The following BAIAP2 variants were observed in gnomAD, a reference collection of about 807,000 sequenced individuals.
BAIAP2 encodes the protein BAR/IMD domain containing adaptor protein 2.
A neutral mutation model predicts 63.0 loss-of-function variants in BAIAP2; 18 were observed. The ratio of observed to expected loss-of-function variants is 0.29; its 90% CI spans 0.20 to 0.42. The LOEUF (loss-of-function observed/expected upper bound fraction) is 0.42, where lower values mean the gene tolerates loss of function less well. BAIAP2 is among the 10% of genes least tolerant of loss of function. BAIAP2 has a pLI of 1.00. For missense variants in BAIAP2, 610 were observed against 734.3 expected, an observed-to-expected ratio of 0.83 and a Z score of 1.96; for synonymous variants, 386 against 307.6, an observed-to-expected ratio of 1.25 and a Z score of -2.67.
At chr17:81,039,719 T>C (rs2046825171) in intron 1 of BAIAP2, among the ~76,000 whole-genome samples, 1 of 152,028 alleles carries the variant, frequency 6.6e-6, no homozygotes. Context: ...TGCTGCCTTG[T>C]CTTCGACTGA....
At chr17:81,045,940 A>T (rs2047738724) in intron 1 of BAIAP2, among the ~76,000 whole-genome samples, 1 of 152,104 alleles carries the variant, frequency 6.6e-6, no homozygotes, top group Non-Finnish European at 1.5e-5. Flanking sequence ...CTGCCTCCAG[A>T]GAGGTGCCTG....
At chr17:81,073,555 G>A (rs1306753052) in intron 3 of BAIAP2, among the ~76,000 whole-genome samples, 1 of 152,132 alleles carries the variant, frequency 6.6e-6, no homozygotes, top group African/African-American at 2.4e-5. Context: ...GGGGACCCTC[G>A]GGCAGGGTCT....
intron 7 of BAIAP2, among the ~76,000 whole-genome samples, chr17:81,102,276 G>A (rs946259578): frequency 2.6e-5 from 4 of 152,176 alleles, no homozygotes; most frequent in African/African-American, 7.2e-5. Flanking sequence ...CGGGGGTGAC[G>A]CTGGCTCGTG....
chr17:81,056,758 G>A (rs1007871741), intron 2 of BAIAP2, among the ~76,000 whole-genome samples: 8 of 152,222 alleles, frequency 5.3e-5, no homozygotes, highest in Non-Finnish European at 1.0e-4. Context: ...AGGCAGCACC[G>A]CCACCTTAGC....
At chr17:81,108,218 A>C (rs953590511) in intron 12 of BAIAP2, 4 of 584,224 alleles carry the variant, frequency 6.8e-6, no homozygotes, top group African/African-American at 5.6e-5. Context: ...GGGAGTGTGC[A>C]ACAAGCACAC....
intron 1 of BAIAP2, among the ~76,000 whole-genome samples, chr17:81,040,550 G>T (rs11651035): frequency 6.6e-6 from 1 of 152,246 alleles, no homozygotes; most frequent in Non-Finnish European, 1.5e-5. Flanking sequence ...TCCTGCCCAC[G>T]GATTCCTCCT....
chr17:81,067,936 C>T (rs1486466102), intron 3 of BAIAP2, among the ~76,000 whole-genome samples: 1 of 152,252 alleles, frequency 6.6e-6, no homozygotes, highest in Non-Finnish European at 1.5e-5. Context: ...AGCCTTCCTC[C>T]TCAAGCCAGG....
chr17:81,084,089 T>C (rs942696566), intron 3 of BAIAP2, among the ~76,000 whole-genome samples: 6 of 152,204 alleles, frequency 3.9e-5, no homozygotes, highest in African/African-American at 1.4e-4. Context: ...GCCACGATTT[T>C]GATTTCTTAA....
chr17:81,081,332 C>G (rs745564319), intron 3 of BAIAP2, among the ~76,000 whole-genome samples: 5 of 152,208 alleles, frequency 3.3e-5, no homozygotes, highest in Non-Finnish European at 7.4e-5. Context: ...TGATCCTGCT[C>G]CTCAGCACAG....
intron 13 of BAIAP2, 25 bp downstream of exon 13, chr17:81,108,534 T>C (rs201358030): frequency 5.6e-6 from 9 of 1,613,760 alleles, no homozygotes; most frequent in Non-Finnish European, 6.8e-6. Flanking sequence ...AGACCTGTCT[T>C]TGGGACCGTG....
At chr17:81,035,715 C>T (rs977791646) in intron 1 of BAIAP2, among the ~76,000 whole-genome samples, 8 of 151,856 alleles carry the variant, frequency 5.3e-5, no homozygotes, top group Non-Finnish European at 1.5e-5. Context: ...GCCGGGGCGG[C>T]GGGGGCGGCG....
At chr17:81,110,422 T>C (rs1174137905) in intron 13 of BAIAP2, 3 of 991,082 alleles carry the variant, frequency 3.0e-6, no homozygotes, top group Non-Finnish European at 3.6e-6. Flanking sequence ...GCTGAACATA[T>C]TTTTTTCCTG....
intron 3 of BAIAP2, among the ~76,000 whole-genome samples, chr17:81,059,166 C>T (rs1218317665): frequency 1.3e-5 from 2 of 152,196 alleles, no homozygotes; most frequent in Non-Finnish European, 2.9e-5. Flanking sequence ...TGGGCAGGCC[C>T]GCTGGCGTGT....
intron 6 of BAIAP2, among the ~76,000 whole-genome samples, chr17:81,089,158 CCTT>C (rs1343633045): frequency 3.3e-5 from 5 of 152,388 alleles, no homozygotes; most frequent in East Asian, 1.9e-4. Context: ...TTTTGGAAGA[CCTT>C]CTCCTTGCTG....
chr17:81,102,206 G>A (rs910630035), intron 7 of BAIAP2, among the ~76,000 whole-genome samples: 6 of 152,148 alleles, frequency 3.9e-5, no homozygotes, highest in African/African-American at 1.2e-4. Flanking sequence ...AGCCTCCCAG[G>A]GCAGTTCGTA....
At chr17:81,058,034 C>A in intron 3 of BAIAP2, 67 bp downstream of exon 3, 1 of 1,162,512 alleles carries the variant, frequency 8.6e-7, no homozygotes, top group Non-Finnish European at 1.2e-6. Context: ...GGGGCCCTGT[C>A]CTGTGTCCAG....
intron 10 of BAIAP2, chr17:81,104,958 G>GAGGGATCTCCCCCCAACAGC (rs1028271699): frequency 7.3e-5 from 29 of 395,932 alleles, no homozygotes; most frequent in Admixed American, 3.8e-4. Context: ...TCCCCTACAG[G>GAGGGATCTCCCCCCAACAGC]AGGGATCTCC....
intron 6 of BAIAP2, among the ~76,000 whole-genome samples, chr17:81,098,599 G>C (rs1358064480): frequency 6.6e-6 from 1 of 152,176 alleles, no homozygotes; most frequent in Non-Finnish European, 1.5e-5. Context: ...CCTCCGTCCT[G>C]GTGTGTTCAG....
At chr17:81,074,641 G>A (rs114517893) in intron 3 of BAIAP2, among the ~76,000 whole-genome samples, 1,476 of 145,220 alleles carry the variant, frequency 0.01, 27 homozygotes, top group African/African-American at 0.036. Flanking sequence ...GCACGGATGC[G>A]TTGAGTGCCT....
Sources: allele counts gnomAD v4.1 joint callset (sites outside exome capture counted in the v4.1 genomes callset), GRCh38; gene constraint gnomAD v4.1.1; transcripts MANE v1.5; gene names NCBI Gene and HGNC (gene_info 2026-07-23, HGNC 2026-07-21).